Variants in FAM76B observed in about 807,000 individuals in gnomAD.
FAM76B encodes protein FAM76B.
A neutral mutation model predicts 51.8 loss-of-function variants in FAM76B; 16 were observed. The ratio of observed to expected loss-of-function variants is 0.31; its 90% CI spans 0.21 to 0.47. FAM76B has a LOEUF of 0.47. Among genes scored for constraint, FAM76B ranks in the 20% least tolerant of loss-of-function variants. The pLI is 1.00. For synonymous variants in FAM76B, 166 were observed against 129.5 expected (o/e 1.28, Z -1.91); for missense variants, 342 against 392.6 (o/e 0.87, Z 1.09).
Position 95,789,578 on chromosome 11 carries a change from T to C in FAM76B, c.-100A>G. 3.0e-6 allele frequency: 3 copies of C among 1,014,580 alleles called. No individual in the cohort carries two copies. Among genetic ancestry groups the C allele is most frequent in the African/African-American group, 1.7e-5 (1 of 58,666 alleles). 62.8% of individuals were successfully genotyped at this position (1,014,580 alleles called of 1,614,324 possible). ...CGCCCGGGCCGCGGGCTCCTCCTCC[T>C]CCCCCTCCCCCTGCCTCGCGCCCAC... On this transcript the variant is annotated 5_prime_UTR_variant, in exon 1 of 10. Coordinates refer to ENST00000358780, the MANE Select transcript of FAM76B (RefSeq NM_144664.5).
At chr11:95,780,035 C>T (rs1860188667) in intron 5 of FAM76B, 109 bp from the exon 6 acceptor site, 1 of 1,019,112 alleles carries the variant, frequency 9.8e-7, no homozygotes. Flanking sequence ...ATATTTTCTT[C>T]AGAGAAAGGT....
Position 95,789,578 on chromosome 11 carries a change from TCCC to T in FAM76B, c.-103_-101del. The stretch of plus-strand genomic sequence containing the variant: ...CGCCCGGGCCGCGGGCTCCTCCTCC[TCCC>T]CCTCCCCCTGCCTCGCGCCCACCAG... On this transcript the variant is annotated 5_prime_UTR_variant, in exon 1 of 10. Coordinates refer to ENST00000358780, the MANE Select transcript of FAM76B (RefSeq NM_144664.5). The T allele has an allele frequency of 3.0e-6, 3 of 1,014,582 alleles. No individual in the cohort carries two copies. Among genetic ancestry groups the T allele is most frequent in the Non-Finnish European group, 2.8e-6 (2 of 707,618 alleles). 62.8% of individuals were successfully genotyped at this position (1,014,582 alleles called of 1,614,324 possible). A position where few individuals can be genotyped will look rare whatever the true frequency, so the allele number is the denominator to read the frequency against.
Position 95,779,621 on chromosome 11 carries a change from T to A in FAM76B, c.678A>T (p.Pro226=), listed in dbSNP as rs1044604774. The change falls in exon 7 of 10, where the codon CCA becomes CCT. Residue 226 remains proline (P), a synonymous_variant. Transcript: ENST00000358780. ...TTCATTTTTACCTATCTCCATTAGA[T>A]GGCTTAGATTCCAATTTGGGCTTTT... ...PKKKPKLESK[P]SNGDSSSINQ... is the part of the protein sequence containing the mutation. 1.2e-6 allele frequency: 2 copies of A among 1,609,596 alleles called. No individual in the cohort carries two copies. Among genetic ancestry groups the A allele is most frequent in the African/African-American group, 2.7e-5 (2 of 74,702 alleles).
At chr11:95,773,458 C>CAA (rs56008636) in intron 9 of FAM76B, among the ~76,000 whole-genome samples, 25,361 of 127,622 alleles carry the variant, frequency 0.2, 3,657 homozygotes, top group African/African-American at 0.39. Context: ...TGCAGCCAGC[C>CAA]AAAAAAAAAA....
intron 1 of FAM76B, 156 bp downstream of exon 1, chr11:95,789,236 C>A: frequency 2.0e-6 from 2 of 981,362 alleles, no homozygotes; most frequent in Non-Finnish European, 1.5e-6. Flanking sequence ...ATGTTCAAGC[C>A]CCCAGAAAAA....
At position 95,787,701 on chromosome 11, in the gene FAM76B, A is replaced by C. The variant is rs371980011; in HGVS notation, c.153-23T>G. 174 of 1,565,980 alleles carry C rather than the reference A, an allele frequency of 1.1e-4. No homozygotes were observed. The highest frequency in any genetic ancestry group is 1.5e-4 in the Non-Finnish European group (170 of 1,144,070). Reference sequence around the variant, plus strand: ...TTGCTGAAAAATAAATTGTATATAGATCATGTTTATGTAGCTTTCTAAAGT... The same window carrying C: ...TTGCTGAAAAATAAATTGTATATAGCTCATGTTTATGTAGCTTTCTAAAGT... On this transcript the variant is annotated intron_variant, in intron 2 of 9. Transcript: ENST00000358780.
At chr11:95,772,366 T>C (rs1304545350) in intron 9 of FAM76B, among the ~76,000 whole-genome samples, 1 of 151,220 alleles carries the variant, frequency 6.6e-6, no homozygotes, top group African/African-American at 2.4e-5. Flanking sequence ...GACTTGAATT[T>C]CATTATTAAA....
Position 95,778,912 on chromosome 11 carries a change from A to G in FAM76B, c.738T>C (p.Phe246=). 2.5e-6 allele frequency: 4 copies of G among 1,610,890 alleles called. No homozygotes were observed. The highest frequency in any genetic ancestry group is 3.4e-6 in the Non-Finnish European group (4 of 1,178,020). The change falls in exon 8 of 10, where the codon TTT becomes TTC. Residue 246 remains phenylalanine (F), a synonymous_variant. Transcript: ENST00000358780. ...QSADSGGTDN[F]VLISQLKEEV... is the part of the protein sequence containing the mutation. The stretch of plus-strand genomic sequence containing the variant: ...CTTCTTTCAATTGACTTATAAGGAC[A>G]AAATTGTCTGTTCCCCCACTATCTG...
intron 9 of FAM76B, among the ~76,000 whole-genome samples, chr11:95,775,660 C>T (rs1364172479): frequency 6.6e-6 from 1 of 151,390 alleles, no homozygotes; most frequent in African/African-American, 2.4e-5. Flanking sequence ...GAACACACTC[C>T]AATGATACCC....
At chr11:95,779,792 G>T in intron 6 of FAM76B, 87 bp downstream of exon 6, 2 of 1,556,756 alleles carry the variant, frequency 1.3e-6, no homozygotes, top group Non-Finnish European at 1.7e-6. Flanking sequence ...ACTGATTTTG[G>T]TAAGACTTAA....
At chr11:95,780,382 T>C (rs1259048941) in intron 5 of FAM76B, among the ~76,000 whole-genome samples, 2 of 151,970 alleles carry the variant, frequency 1.3e-5, no homozygotes, top group African/African-American at 2.4e-5. Context: ...TGGGGAAATA[T>C]ATTGATTTCT....
At chr11:95,778,497 A>C (rs1246283835) in intron 8 of FAM76B, among the ~76,000 whole-genome samples, 1 of 151,564 alleles carries the variant, frequency 6.6e-6, no homozygotes, top group Non-Finnish European at 1.5e-5. Context: ...TACATTCTTA[A>C]ATCAAAAAAG....
chr11:95,787,537 G>A, intron 3 of FAM76B, 87 bp downstream of exon 3: 1 of 1,350,536 alleles, frequency 7.4e-7, no homozygotes, highest in Non-Finnish European at 1.0e-6. Context: ...ACTGTGCCCA[G>A]CCAGCAGTAC....
rs1860580248 is a variant in FAM76B at position 95,786,280 on chromosome 11, AAACATAC to A, written c.208-13_208-7del. 6.2e-7 allele frequency: 1 copy of A among 1,613,364 alleles called. No individual in the cohort carries two copies. The highest frequency in any genetic ancestry group is 8.5e-7 in the Non-Finnish European group (1 of 1,179,624). ...CAGTACTGACAAGGCTTGGGCTGAAAAACATACACATTTTGAGACTTTTAAAAACATT... is the reference window on the plus strand; with the variant it reads ...CAGTACTGACAAGGCTTGGGCTGAAAACATTTTGAGACTTTTAAAAACATT... On this transcript the variant is annotated splice_region_variant and splice_polypyrimidine_tract_variant and intron_variant, in intron 3 of 9. Transcript: ENST00000358780.
At chr11:95,776,267 T>C (rs1197655767) in intron 8 of FAM76B, among the ~76,000 whole-genome samples, 1 of 151,434 alleles carries the variant, frequency 6.6e-6, no homozygotes, top group Non-Finnish European at 1.5e-5. Context: ...TTTCTTTTTT[T>C]CCTAAACATG....
At chr11:95,775,851 TA>T in intron 9 of FAM76B, 70 bp downstream of exon 9, 1 of 982,788 alleles carries the variant, frequency 1.0e-6, no homozygotes. Context: ...AATAACAATC[TA>T]AGTCAATGAA....
intron 7 of FAM76B, chr11:95,779,177 ACTT>A (rs1373805927): frequency 6.5e-7 from 1 of 1,544,418 alleles, no homozygotes; most frequent in Non-Finnish European, 8.7e-7. Flanking sequence ...GGGGGTCAAT[ACTT>A]CTAGTGTAAA....
intron 7 of FAM76B, 187 bp downstream of exon 7, chr11:95,779,420 C>A: frequency 6.8e-6 from 4 of 592,016 alleles, no homozygotes; most frequent in South Asian, 2.5e-5. Context: ...CAACATAGTT[C>A]AGTGCCACTT....
intron 1 of FAM76B, 85 bp from the exon 2 acceptor site, chr11:95,788,648 G>T: frequency 7.2e-7 from 1 of 1,383,122 alleles, no homozygotes; most frequent in Non-Finnish European, 1.0e-6. Flanking sequence ...ACCCAACCTA[G>T]TGAAAGTCTA....
Sources: allele counts gnomAD v4.1 joint callset (sites outside exome capture counted in the v4.1 genomes callset), GRCh38; gene constraint gnomAD v4.1.1; transcripts MANE v1.5; gene names NCBI Gene and HGNC (gene_info 2026-07-23, HGNC 2026-07-21).